The following SIMC1 variants were observed in gnomAD, a reference collection of about 807,000 sequenced individuals.
SIMC1 encodes SUMO-interacting motif-containing protein 1.
In SIMC1, 55 loss-of-function variants were observed where a neutral mutation model predicts 82.3. The observed-to-expected ratio is 0.67, with a 90% CI of 0.54 to 0.84. SIMC1 has a LOEUF of 0.84. Among genes scored for constraint, SIMC1 ranks in the 40% least tolerant of loss-of-function variants. The probability of loss-of-function intolerance (pLI) is 0.00; values close to 1 mark genes in which losing one functional copy is unlikely to be tolerated. For missense variants in SIMC1, 915 were observed against 1,107.2 expected, an observed-to-expected ratio of 0.83 and a Z score of 2.46; for synonymous variants, 353 against 426.3, an observed-to-expected ratio of 0.83 and a Z score of 2.12.
intron 1 of SIMC1, among the ~76,000 whole-genome samples, chr5:176,252,204 C>CG (rs1554104868): frequency 1.0e-5 from 1 of 98,958 alleles, no homozygotes; most frequent in African/African-American, 3.8e-5. Context: ...GCTGGCCGGG[C>CG]GGGGGGCTGA....
At chr5:176,296,422 G>A (rs1023016337) in intron 4 of SIMC1, 102 bp downstream of exon 4, 6 of 1,579,766 alleles carry the variant, frequency 3.8e-6, no homozygotes, top group Non-Finnish European at 5.2e-6. Flanking sequence ...CCAGCATTTT[G>A]GGAGGCCGAG....
intron 9 of SIMC1, among the ~76,000 whole-genome samples, chr5:176,340,496 A>G (rs1561737503): frequency 1.3e-5 from 2 of 152,214 alleles, no homozygotes; most frequent in Non-Finnish European, 2.9e-5. Context: ...GAAGTCAGTC[A>G]CAGTCATTCT....
intron 4 of SIMC1, chr5:176,309,028 T>C: frequency 1.3e-6 from 1 of 777,458 alleles, no homozygotes; most frequent in South Asian, 1.4e-5. Context: ...GGAGACAAAA[T>C]GGAGAAAGAT....
intron 5 of SIMC1, among the ~76,000 whole-genome samples, chr5:176,321,070 C>T (rs981841881): frequency 6.6e-6 from 1 of 152,172 alleles, no homozygotes; most frequent in Admixed American, 6.6e-5. Context: ...ACCTTGCACC[C>T]AGGTGATCAT....
intron 7 of SIMC1, among the ~76,000 whole-genome samples, chr5:176,336,188 C>T (rs55742054): frequency 0.02 from 3,043 of 152,238 alleles, 35 homozygotes; most frequent in Non-Finnish European, 0.03. Flanking sequence ...GTAGACCACT[C>T]TCACCAGTGC....
Position 176,260,443 on chromosome 5 carries a change from C to T in SIMC1, c.129+21806C>T, listed in dbSNP as rs551350284. Among the ~76,000 whole-genome samples, 273 of 151,924 alleles carry T rather than the reference C, an allele frequency of 1.8e-3. 1 individual carries two copies. The highest frequency in any genetic ancestry group is 5.9e-3 in the African/African-American group (244 of 41,438). ...TGTGTGACCAAATACCACCTGTTAC[C>T]CAAAAACCTATGAAACTAAAAAGAA... is the stretch of plus-strand genomic sequence containing the variant. On this transcript the variant is annotated intron_variant, in intron 1 of 9. Transcript: ENST00000429602.
intron 1 of SIMC1, among the ~76,000 whole-genome samples, chr5:176,243,110 G>A (rs950909420): frequency 3.9e-5 from 6 of 152,054 alleles, no homozygotes; most frequent in African/African-American, 1.5e-4. Flanking sequence ...ACATTCTACT[G>A]TGGAAAGATA....
chr5:176,281,938 G>A (rs1581249589), intron 1 of SIMC1, among the ~76,000 whole-genome samples: 1 of 152,322 alleles, frequency 6.6e-6, no homozygotes, highest in South Asian at 2.1e-4. Context: ...TGCGTGCTGG[G>A]AGAACCACTG....
chr5:176,293,421 C>A (rs542631123), intron 2 of SIMC1, among the ~76,000 whole-genome samples: 10 of 150,812 alleles, frequency 6.6e-5, no homozygotes, highest in Admixed American at 2.6e-4. Flanking sequence ...GGCGACACAG[C>A]GAGACCCCAT....
chr5:176,304,632 C>G (rs1581279059), intron 4 of SIMC1, among the ~76,000 whole-genome samples: 1 of 146,794 alleles, frequency 6.8e-6, no homozygotes, highest in Non-Finnish European at 1.5e-5. Flanking sequence ...TGAGGAGTGT[C>G]TCTGCCTGGC....
Position 176,245,212 on chromosome 5 carries a change from C to A in SIMC1, c.129+6575C>A, listed in dbSNP as rs573636988. ...GTGCCGAGTAGAGTGAACCCTTAAT[C>A]CAACATGACTACTGTCCTTATGAGA... On this transcript the variant is annotated intron_variant, in intron 1 of 9. Transcript: ENST00000429602. Among the ~76,000 whole-genome samples the A allele has an allele frequency of 3.5e-3, 529 of 152,188 alleles. 3 individuals are homozygous for A. Among genetic ancestry groups the A allele is most frequent in the African/African-American group, 0.012 (502 of 41,464 alleles).
chr5:176,264,884 A>G (rs1189153658), intron 1 of SIMC1, among the ~76,000 whole-genome samples: 1 of 152,210 alleles, frequency 6.6e-6, no homozygotes, highest in Non-Finnish European at 1.5e-5. Flanking sequence ...AGAAAAGGAA[A>G]TAGGCCAGGC....
At chr5:176,313,983 T>G in intron 5 of SIMC1, 138 bp downstream of exon 5, 1 of 1,095,470 alleles carries the variant, frequency 9.1e-7, no homozygotes, top group Non-Finnish European at 1.3e-6. Flanking sequence ...AAACTATAGA[T>G]AGACCAGGTG....
chr5:176,303,384 A>G (rs1442583827), intron 4 of SIMC1, among the ~76,000 whole-genome samples: 1 of 133,142 alleles, frequency 7.5e-6, no homozygotes, highest in Non-Finnish European at 1.5e-5. Flanking sequence ...CTACAGTGTG[A>G]TGGCGCAATC....
At chr5:176,274,652 G>T (rs1261104496) in intron 1 of SIMC1, among the ~76,000 whole-genome samples, 1 of 151,854 alleles carries the variant, frequency 6.6e-6, no homozygotes, top group African/African-American at 2.4e-5. Context: ...TAACATTTAA[G>T]TCTTTAATCC....
intron 7 of SIMC1, among the ~76,000 whole-genome samples, chr5:176,326,291 C>T (rs528766026): frequency 1.8e-4 from 28 of 152,188 alleles, no homozygotes; most frequent in African/African-American, 6.5e-4. Flanking sequence ...TGGAATAGGA[C>T]TTAATTAAAA....
At position 176,290,069 on chromosome 5, in the gene SIMC1, T is replaced by G. The variant is rs574871564; in HGVS notation, c.545T>G (p.Val182Gly). Residue 182 changes from valine (V) to glycine (G), a missense_variant, in exon 2 of 10, where the codon GTT becomes GGT. Coordinates refer to ENST00000429602, the MANE Select transcript of SIMC1 (RefSeq NM_001308195.2). ...FLASLQLSSD[V>G]SSLSPTSNNS... ...GCAAGTCTACAGCTGTCTTCAGATG[T>G]TAGCTCCCTCTCCCCAACAAGCAAT... is the stretch of plus-strand genomic sequence containing the variant. The G allele has an allele frequency of 4.5e-5, 73 of 1,609,518 alleles. No homozygotes were observed. The Admixed American group carries it at 1.2e-3, about 27-fold the overall frequency.
chr5:176,339,419 T>G (rs1766036819), intron 9 of SIMC1, among the ~76,000 whole-genome samples: 1 of 152,176 alleles, frequency 6.6e-6, no homozygotes, highest in Admixed American at 6.5e-5. Context: ...GTTGTGCAGT[T>G]TGTGCATTTG....
intron 1 of SIMC1, 66 bp from the exon 2 acceptor site, chr5:176,289,588 T>TG: frequency 7.8e-7 from 1 of 1,281,462 alleles, no homozygotes; most frequent in Non-Finnish European, 1.1e-6. Flanking sequence ...AGCTAAGACT[T>TG]AAGTCATCTC....
Sources: allele counts gnomAD v4.1 joint callset (sites outside exome capture counted in the v4.1 genomes callset), GRCh38; gene constraint gnomAD v4.1.1; transcripts MANE v1.5; gene names NCBI Gene and HGNC (gene_info 2026-07-23, HGNC 2026-07-21).